The following SFMBT1 variants were observed in gnomAD, a reference collection of about 807,000 sequenced individuals.
SFMBT1 encodes the protein Scm like with four mbt domains 1.
Under a neutral mutation model 108.7 loss-of-function variants are expected in SFMBT1, and 32 were observed. The observed-to-expected ratio is 0.29, with a 90% CI of 0.22 to 0.40. The LOEUF is 0.40. SFMBT1 is among the 10% of genes least tolerant of loss of function. The pLI, the probability that SFMBT1 is intolerant of heterozygous loss-of-function variation, is 1.00. For missense variants in SFMBT1, 816 were observed against 1,059.6 expected, an observed-to-expected ratio of 0.77 and a Z score of 3.19; for synonymous variants, 348 against 369.5, an observed-to-expected ratio of 0.94 and a Z score of 0.67.
At chr3:52,982,038 C>T (rs965527091) in intron 1 of SFMBT1, among the ~76,000 whole-genome samples, 1 of 151,956 alleles carries the variant, frequency 6.6e-6, no homozygotes, top group Non-Finnish European at 1.5e-5. Context: ...GCCCCCAAGC[C>T]ACCCATGAGT....
At chr3:52,931,699 G>A (rs908568970) in intron 6 of SFMBT1, among the ~76,000 whole-genome samples, 1 of 152,082 alleles carries the variant, frequency 6.6e-6, no homozygotes, top group African/African-American at 2.4e-5. Context: ...AATTAGCCGG[G>A]TGTGGTGGCA....
At chr3:53,004,979 A>G (rs777163483) in intron 1 of SFMBT1, among the ~76,000 whole-genome samples, 1 of 152,374 alleles carries the variant, frequency 6.6e-6, no homozygotes, top group South Asian at 2.1e-4. Context: ...CAATTAGTAT[A>G]AAGTTTAATA....
At chr3:52,975,019 A>T (rs1704472665) in intron 1 of SFMBT1, among the ~76,000 whole-genome samples, 1 of 151,604 alleles carries the variant, frequency 6.6e-6, no homozygotes, top group African/African-American at 2.4e-5. Context: ...AAAAAAAAAA[A>T]TCTGAGCCAA....
intron 1 of SFMBT1, among the ~76,000 whole-genome samples, chr3:52,991,501 T>G (rs2564935): frequency 9.9e-5 from 15 of 152,048 alleles, no homozygotes; most frequent in Admixed American, 2.0e-4. Flanking sequence ...GGCGCCACCA[T>G]GCCTGGCTAA....
chr3:53,002,128 C>T (rs1039296593), intron 1 of SFMBT1, among the ~76,000 whole-genome samples: 3 of 149,618 alleles, frequency 2.0e-5, no homozygotes, highest in African/African-American at 7.3e-5. Flanking sequence ...CAGTTGGCCG[C>T]AGTGGCTCAC....
intron 1 of SFMBT1, among the ~76,000 whole-genome samples, chr3:53,015,031 T>C (rs4687694): frequency 0.45 from 68,883 of 151,846 alleles, 15,936 homozygotes; most frequent in South Asian, 0.63. Context: ...CCAGCCTGGG[T>C]AACATGGTGA....
chr3:53,008,177 T>TA (rs1698813744), intron 1 of SFMBT1, among the ~76,000 whole-genome samples: 1 of 152,098 alleles, frequency 6.6e-6, no homozygotes, highest in Admixed American at 6.6e-5. Context: ...GATGGTAATA[T>TA]AATGTGTCAA....
intron 2 of SFMBT1, among the ~76,000 whole-genome samples, chr3:52,955,944 C>T (rs891378756): frequency 6.6e-6 from 1 of 152,126 alleles, no homozygotes; most frequent in African/African-American, 2.4e-5. Flanking sequence ...AACATCAATG[C>T]AAAAATCCTC....
At chr3:52,950,110 T>C (rs115752777) in intron 3 of SFMBT1, among the ~76,000 whole-genome samples, 3,514 of 152,292 alleles carry the variant, frequency 0.023, 134 homozygotes, top group African/African-American at 0.078. Flanking sequence ...ATTACTGATA[T>C]AGTTGGATTA....
At chr3:52,986,725 G>A (rs1015594880) in intron 1 of SFMBT1, among the ~76,000 whole-genome samples, 8 of 149,008 alleles carry the variant, frequency 5.4e-5, no homozygotes, top group East Asian at 4.0e-4. Flanking sequence ...GCAGTGAACC[G>A]AGATCGCGCC....
chr3:52,911,140 A>G lies in SFMBT1; in HGVS notation c.1769T>C (p.Val590Ala). ...TTCAGTCACCCGATCTGCTGTTTTC[A>G]CTATCTCAACAGTAGCCCGATAACT... ...GKSYRATVEI[V>A]KTADRVTEFC... Residue 590 changes from valine (V) to alanine (A), a missense_variant, in exon 17 of 21, where the codon GTG becomes GCG. Val to Ala is a moderately conservative substitution (Grantham distance 64). Coordinates refer to ENST00000394752, the MANE Select transcript of SFMBT1 (RefSeq NM_016329.4). 1 of 1,613,770 alleles carries G rather than the reference A, an allele frequency of 6.2e-7. No homozygotes were observed. Among genetic ancestry groups the G allele is most frequent in the South Asian group, 1.1e-5 (1 of 90,980 alleles).
intron 6 of SFMBT1, 75 bp from the exon 7 acceptor site, chr3:52,931,110 T>TA (rs1702844942): frequency 4.4e-6 from 6 of 1,370,796 alleles, no homozygotes; most frequent in Non-Finnish European, 6.2e-6. Flanking sequence ...AGCATTCACA[T>TA]AAACAAAAAC....
In SFMBT1 at chr3:52,943,520, G is replaced by A. The variant is rs112483165; in HGVS notation, c.197C>T (p.Thr66Ile). ...LEVAVRTDPE[T>I]YWVATVITTC... ...AGTGATAACGGTGGCAACCCAGTAG[G>A]TCTCAGGATCTGTTCTCACAGCCAC... The change falls in exon 4 of 21, where the codon ACC becomes ATC. Residue 66 changes from threonine (T) to isoleucine (I), a missense_variant. Around this residue, in one of 5 missense-constraint regions of SFMBT1, gnomAD observed 495 missense variants for 607.4 expected, o/e 0.81. Coordinates refer to ENST00000394752, the MANE Select transcript of SFMBT1 (RefSeq NM_016329.4). 1.5e-5 allele frequency: 25 copies of A among 1,614,146 alleles called. 2 individuals carry two copies. Among genetic ancestry groups the A allele is most frequent in the African/African-American group, 9.3e-5 (7 of 75,054 alleles).
chr3:53,044,589 T>C (rs1322371898), intron 1 of SFMBT1, among the ~76,000 whole-genome samples: 3 of 152,340 alleles, frequency 2.0e-5, no homozygotes, highest in South Asian at 2.1e-4. Flanking sequence ...GTTGACAAAT[T>C]AATGATTACA....
At chr3:52,969,296 C>T (rs972066952) in intron 1 of SFMBT1, 38 bp from the exon 2 acceptor site, 1 of 1,466,424 alleles carries the variant, frequency 6.8e-7, no homozygotes, top group East Asian at 2.4e-5. Context: ...CAGCCTGAAG[C>T]CCAAGTGTGC....
At chr3:52,988,573 C>G (rs767475674) in intron 1 of SFMBT1, among the ~76,000 whole-genome samples, 4 of 152,118 alleles carry the variant, frequency 2.6e-5, no homozygotes, top group Non-Finnish European at 5.9e-5. Flanking sequence ...AACAATGATA[C>G]TAGGAACAAG....
intron 1 of SFMBT1, among the ~76,000 whole-genome samples, chr3:53,015,661 T>G (rs745816172): frequency 1.3e-5 from 2 of 152,208 alleles, no homozygotes; most frequent in Non-Finnish European, 2.9e-5. Flanking sequence ...AACTTTATGC[T>G]AAATTAACAC....
chr3:53,021,803 CA>C (rs376232371), intron 1 of SFMBT1, among the ~76,000 whole-genome samples: 1 of 152,052 alleles, frequency 6.6e-6, no homozygotes, highest in African/African-American at 2.4e-5. Flanking sequence ...AAATCATTTA[CA>C]AGGGGAAAAG....
intron 3 of SFMBT1, among the ~76,000 whole-genome samples, chr3:52,948,895 C>T (rs777047970): frequency 1.6e-4 from 2 of 12,284 alleles, no homozygotes; most frequent in Non-Finnish European, 5.4e-4. Flanking sequence ...CATTCCTGGG[C>T]TCAAGCAATT....
Sources: allele counts gnomAD v4.1 joint callset (sites outside exome capture counted in the v4.1 genomes callset), GRCh38; gene constraint gnomAD v4.1.1; regional missense constraint gnomAD v4.1.1; transcripts MANE v1.5; gene names NCBI Gene and HGNC (gene_info 2026-07-23, HGNC 2026-07-21).